RB1CC1: variants seen among roughly 807,000 people sequenced by gnomAD.
RB1CC1 encodes RB1 inducible coiled-coil 1.
RB1CC1 carries 46 observed loss-of-function variants against 177.5 expected under a neutral mutation model. The ratio of observed to expected loss-of-function variants is 0.26; its 90% CI spans 0.20 to 0.33. The LOEUF (loss-of-function observed/expected upper bound fraction) is 0.33, where lower values mean the gene tolerates loss of function less well. RB1CC1 is among the 10% of genes least tolerant of loss of function. The pLI is 1.00. For synonymous variants in RB1CC1, 666 were observed against 613.6 expected (o/e 1.09, Z -1.26); for missense variants, 1,703 against 1,816.3 (o/e 0.94, Z 1.13).
intron 1 of RB1CC1, among the ~76,000 whole-genome samples, chr8:52,701,634 C>A (rs1856071156): frequency 6.6e-6 from 1 of 152,026 alleles, no homozygotes; most frequent in Non-Finnish European, 1.5e-5. Context: ...CTCAAATGAT[C>A]CTCCCACCTT....
At chr8:52,644,161 T>C (rs1298669384) in intron 16 of RB1CC1, among the ~76,000 whole-genome samples, 3 of 152,040 alleles carry the variant, frequency 2.0e-5, no homozygotes, top group Admixed American at 6.6e-5. Flanking sequence ...AATTGGCATA[T>C]GAAAAAAGGG....
At chr8:52,699,959 A>G (rs1030405784) in intron 1 of RB1CC1, among the ~76,000 whole-genome samples, 1 of 150,766 alleles carries the variant, frequency 6.6e-6, no homozygotes, top group Non-Finnish European at 1.5e-5. Flanking sequence ...TGTTTCACCA[A>G]AGCAAGTCAA....
At position 52,645,814 on chromosome 8, in the gene RB1CC1, T is replaced by C. The variant is rs757920570; in HGVS notation, c.3875A>G (p.Gln1292Arg). 24 of 1,610,654 alleles carry C rather than the reference T, an allele frequency of 1.5e-5. No homozygotes were observed. The highest frequency in any genetic ancestry group is 8.9e-5 in the South Asian group (8 of 90,090). Residue 1292 changes from glutamine (Q) to arginine (R), a missense_variant, in exon 16 of 24, where the codon CAA becomes CGA. Gln to Arg is a conservative substitution (Grantham distance 43). Coordinates refer to ENST00000025008, the MANE Select transcript of RB1CC1 (RefSeq NM_014781.5). ...AGCTTTTTCTTCCTGAAGCTTTTCT[T>C]GAAGTTCAGCAACTAAGCTTGAAGA... ...GDSSSLVAELQEKLQEEKAKF... is the reference protein window; with the variant it reads ...GDSSSLVAELREKLQEEKAKF...
At chr8:52,650,164 G>A (rs771006461) in intron 15 of RB1CC1, among the ~76,000 whole-genome samples, 14 of 152,290 alleles carry the variant, frequency 9.2e-5, no homozygotes, top group Admixed American at 2.0e-4. Context: ...GAAATATGCC[G>A]GACTGTGTGT....
At chr8:52,631,644 T>A (rs1237560604) in intron 20 of RB1CC1, among the ~76,000 whole-genome samples, 1 of 152,290 alleles carries the variant, frequency 6.6e-6, no homozygotes, top group South Asian at 2.1e-4. Context: ...TGTAATCATT[T>A]ATCATGACCT....
At chr8:52,705,165 G>A (rs1856439816) in intron 1 of RB1CC1, among the ~76,000 whole-genome samples, 1 of 152,178 alleles carries the variant, frequency 6.6e-6, no homozygotes, top group Non-Finnish European at 1.5e-5. Flanking sequence ...TAACAAGTTA[G>A]TAGGAATCAT....
Position 52,624,788 on chromosome 8 carries a change from C to G in RB1CC1, c.4637-1G>C. The G allele has an allele frequency of 3.9e-6, 6 of 1,527,206 alleles. No homozygotes were observed. The highest frequency in any genetic ancestry group is 5.3e-6 in the Non-Finnish European group (6 of 1,129,888). The allele number at this position is 1,527,206 out of a possible 1,614,324, so 94.6% of individuals were successfully genotyped here. The stretch of plus-strand genomic sequence containing the variant: ...CAGGGTCTTCTAGATGCACCTGAAG[C>G]TAATGAAATTAAATAGTTAATCTCT... On this transcript the variant is annotated splice_acceptor_variant, in intron 22 of 23. Coordinates refer to ENST00000025008, the MANE Select transcript of RB1CC1 (RefSeq NM_014781.5). LOFTEE classifies it high-confidence loss of function.
Position 52,678,613 on chromosome 8 carries a change from T to A in RB1CC1, c.370-2042A>T, listed in dbSNP as rs190860629. 2.5e-4 allele frequency among the ~76,000 whole-genome samples: 38 copies of A among 152,352 alleles called. No homozygotes were observed. The East Asian group carries it at 6.5e-3, about 26-fold the overall frequency. ...ATGCAACGAAAGAGGAAGTATTTTC[T>A]CTATATATTTTGCTGATATATTTGC... On this transcript the variant is annotated intron_variant, in intron 5 of 23. Coordinates refer to ENST00000025008, the MANE Select transcript of RB1CC1 (RefSeq NM_014781.5).
chr8:52,665,119 GAATA>G (rs1851955436), intron 8 of RB1CC1, among the ~76,000 whole-genome samples: 1 of 152,020 alleles, frequency 6.6e-6, no homozygotes, highest in East Asian at 1.9e-4. Context: ...AATTTAATAT[GAATA>G]AATATACGAA....
intron 18 of RB1CC1, among the ~76,000 whole-genome samples, chr8:52,638,730 A>G (rs1167338487): frequency 6.6e-6 from 1 of 152,048 alleles, no homozygotes; most frequent in Non-Finnish European, 1.5e-5. Flanking sequence ...AAAAAAATTT[A>G]GTCTTTACTA....
chr8:52,708,962 C>G (rs986590160), intron 1 of RB1CC1, among the ~76,000 whole-genome samples: 4 of 152,166 alleles, frequency 2.6e-5, no homozygotes, highest in African/African-American at 9.7e-5. Flanking sequence ...CCACCCAGCA[C>G]TTTGGGAGGC....
In RB1CC1 at chr8:52,630,473, C is replaced by T. The variant is rs765737225; in HGVS notation, c.4496G>A (p.Arg1499Lys). 9 of 1,582,470 alleles carry T rather than the reference C, an allele frequency of 5.7e-6. No homozygotes were observed. The South Asian group carries it at 8.3e-5, about 15-fold the overall frequency. Residue 1499 changes from arginine to lysine, a missense_variant, in exon 21 of 24, where the codon AGA becomes AAA. Arg to Lys is a conservative substitution (Grantham distance 26). This residue lies in a region of RB1CC1 where 70 missense variants were observed against 118.0 expected (regional missense o/e 0.59). Coordinates refer to ENST00000025008, the MANE Select transcript of RB1CC1 (RefSeq NM_014781.5). ...CTCACAAAACTAAAATACTTACTCT[C>T]TAATAGCTATCTTTTCAGAATGCCT... The part of the protein sequence containing the change: ...SSRHSEKIAI[R>K]DFQVGDLVLI...
Position 52,683,576 on chromosome 8 carries a change from A to C in RB1CC1, c.342T>G (p.Thr114=), listed in dbSNP as rs767111968. Residue 114 remains threonine (T), a synonymous_variant, in exon 5 of 24, where the codon ACT becomes ACG. Coordinates refer to ENST00000025008, the MANE Select transcript of RB1CC1 (RefSeq NM_014781.5). ...ATGCAAGCTGTGTCCTTGAAGCAAC[A>C]GTATGAAAAACTGCAGGCATCATAA... ...ESLMMPAVFH[T]VASRTQLALE... is the part of the protein sequence containing the mutation. 2 of 1,594,912 alleles carry C rather than the reference A, an allele frequency of 1.3e-6. No homozygotes were observed. Among genetic ancestry groups the C allele is most frequent in the African/African-American group, 2.7e-5 (2 of 73,738 alleles).
rs758977508 is a variant in RB1CC1 at position 52,630,055 on chromosome 8, ATTTG to A, written c.4499+411_4499+414del. Among the ~76,000 whole-genome samples the A allele has an allele frequency of 9.2e-4, 140 of 152,330 alleles. 1 individual carries two copies. The highest frequency in any genetic ancestry group is 2.7e-3 in the African/African-American group (114 of 41,582). ...ACAGAGTTTGACTTTTTCATTGACA[ATTTG>A]TTTATTATGAATTTGTAGAATATTA... On this transcript the variant is annotated intron_variant, in intron 21 of 23. Coordinates refer to ENST00000025008, the MANE Select transcript of RB1CC1 (RefSeq NM_014781.5).
chr8:52,709,920 C>T (rs1005764045), intron 1 of RB1CC1, among the ~76,000 whole-genome samples: 12 of 152,364 alleles, frequency 7.9e-5, no homozygotes, highest in Admixed American at 7.8e-4. Context: ...CAAATATCTT[C>T]AAGATGCTTT....
At chr8:52,644,785 C>T (rs1849873121) in intron 16 of RB1CC1, among the ~76,000 whole-genome samples, 1 of 152,138 alleles carries the variant, frequency 6.6e-6, no homozygotes, top group African/African-American at 2.4e-5. Flanking sequence ...CACAAAGACA[C>T]TAATTAATCA....
Position 52,684,533 on chromosome 8 carries a change from A to G in RB1CC1, c.72-520T>C, listed in dbSNP as rs1302087010. 2.6e-5 allele frequency among the ~76,000 whole-genome samples: 4 copies of G among 152,224 alleles called. No homozygotes were observed. In the East Asian group the frequency reaches 5.8e-4, roughly 22 times the overall value. On this transcript the variant is annotated intron_variant, in intron 3 of 23. Transcript: ENST00000025008. ...TTATGGTCACTATAAAAATATAAACAGCGTTGGAAATGATATTTACTACTT... is the reference window on the plus strand; with the variant it reads ...TTATGGTCACTATAAAAATATAAACGGCGTTGGAAATGATATTTACTACTT...
At chr8:52,685,232 T>C (rs1854159653) in intron 3 of RB1CC1, among the ~76,000 whole-genome samples, 167 bp downstream of exon 3, 2 of 152,016 alleles carry the variant, frequency 1.3e-5, no homozygotes, top group African/African-American at 2.4e-5. Flanking sequence ...TCGATCTTTC[T>C]TGACCTCGTG....
intron 1 of RB1CC1, among the ~76,000 whole-genome samples, chr8:52,697,653 A>G (rs887436867): frequency 6.6e-6 from 1 of 152,216 alleles, no homozygotes; most frequent in Non-Finnish European, 1.5e-5. Flanking sequence ...GAAAGGTGAG[A>G]TTGGCAAAAT....
Sources: allele counts gnomAD v4.1 joint callset (sites outside exome capture counted in the v4.1 genomes callset), GRCh38; gene constraint gnomAD v4.1.1; regional missense constraint gnomAD v4.1.1; transcripts MANE v1.5; gene names NCBI Gene and HGNC (gene_info 2026-07-23, HGNC 2026-07-21).